The following GRIA4 variants were observed in gnomAD, a reference collection of about 807,000 sequenced individuals.
GRIA4 encodes glutamate ionotropic receptor AMPA type subunit 4, also known as glutamate receptor 4.
GRIA4 carries 34 observed loss-of-function variants against 104.0 expected under a neutral mutation model. That is an observed-to-expected ratio of 0.33 (90% CI 0.25 to 0.44). The LOEUF is 0.44. Ranked by LOEUF, GRIA4 falls within the 20% of genes least tolerant of loss-of-function variation. GRIA4 has a pLI of 1.00. For synonymous variants in GRIA4, 386 were observed against 381.9 expected (o/e 1.01, Z -0.13); for missense variants, 750 against 1,096.5 (o/e 0.68, Z 4.46).
intron 3 of GRIA4, among the ~76,000 whole-genome samples, chr11:105,626,654 G>A (rs1280471830): frequency 5.9e-5 from 9 of 152,152 alleles, no homozygotes; most frequent in Admixed American, 5.9e-4. Flanking sequence ...TTGGGGAATG[G>A]TTAAACTAAT....
chr11:105,930,986 A>C (rs1001617241), intron 13 of GRIA4, among the ~76,000 whole-genome samples: 2 of 152,170 alleles, frequency 1.3e-5, no homozygotes, highest in African/African-American at 4.8e-5. Flanking sequence ...CTTCTGTAAA[A>C]ATTAAAATTA....
intron 3 of GRIA4, among the ~76,000 whole-genome samples, chr11:105,627,747 G>A (rs1023811014): frequency 2.0e-5 from 3 of 152,120 alleles, no homozygotes; most frequent in Non-Finnish European, 4.4e-5. Context: ...TTGGAAAAGA[G>A]CTGGCATTTG....
chr11:105,764,056 T>C (rs145333978), intron 4 of GRIA4, among the ~76,000 whole-genome samples: 15 of 152,362 alleles, frequency 9.8e-5, no homozygotes, highest in Non-Finnish European at 2.2e-4. Flanking sequence ...ACATAGAATC[T>C]GAAAGTAACA....
chr11:105,758,069 C>A (rs1373393163), intron 4 of GRIA4, among the ~76,000 whole-genome samples: 3 of 152,016 alleles, frequency 2.0e-5, no homozygotes, highest in South Asian at 2.1e-4. Flanking sequence ...CATAGCAAGA[C>A]CCTGTCTCTA....
At chr11:105,755,097 T>C (rs538509182) in intron 4 of GRIA4, among the ~76,000 whole-genome samples, 56 of 152,330 alleles carry the variant, frequency 3.7e-4, no homozygotes, top group African/African-American at 1.1e-3. Context: ...TATCCTGCTA[T>C]TGCATGCTAA....
intron 3 of GRIA4, among the ~76,000 whole-genome samples, chr11:105,684,326 G>T (rs1003435722): frequency 6.6e-6 from 1 of 151,882 alleles, no homozygotes; most frequent in African/African-American, 2.4e-5. Context: ...GAAATAACAC[G>T]ATTTTTTCAT....
At chr11:105,697,787 G>A (rs1043922118) in intron 3 of GRIA4, among the ~76,000 whole-genome samples, 9 of 152,134 alleles carry the variant, frequency 5.9e-5, no homozygotes, top group Middle Eastern at 3.4e-3. Context: ...CCAACATGTC[G>A]TTTTCTTAGA....
intron 5 of GRIA4, among the ~76,000 whole-genome samples, chr11:105,873,119 C>A (rs1341742193): frequency 6.6e-6 from 1 of 152,130 alleles, no homozygotes; most frequent in East Asian, 1.9e-4. Context: ...GTTCCCCTCC[C>A]TGTGTCCCTA....
chr11:105,762,679 TTAGA>T (rs1415881305), intron 4 of GRIA4, among the ~76,000 whole-genome samples: 2 of 152,166 alleles, frequency 1.3e-5, no homozygotes, highest in Non-Finnish European at 2.9e-5. Flanking sequence ...CGTGCTGTTC[TTAGA>T]TAGTGAATAA....
At chr11:105,628,767 G>A (rs993278867) in intron 3 of GRIA4, among the ~76,000 whole-genome samples, 1 of 152,076 alleles carries the variant, frequency 6.6e-6, no homozygotes, top group African/African-American at 2.4e-5. Context: ...GCTAATGATT[G>A]TATGTTATAA....
chr11:105,764,443 A>T (rs565588080), intron 4 of GRIA4, among the ~76,000 whole-genome samples: 1 of 152,204 alleles, frequency 6.6e-6, no homozygotes, highest in African/African-American at 2.4e-5. Flanking sequence ...CATTTTAGTT[A>T]TTTCATGTTG....
chr11:105,737,834 C>T (rs1279316448), intron 3 of GRIA4, among the ~76,000 whole-genome samples: 1 of 152,060 alleles, frequency 6.6e-6, no homozygotes, highest in African/African-American at 2.4e-5. Context: ...GTTCTTTCAC[C>T]ACTTAGATGT....
intron 3 of GRIA4, among the ~76,000 whole-genome samples, chr11:105,689,053 G>T (rs1202026391): frequency 6.6e-6 from 1 of 152,036 alleles, no homozygotes; most frequent in Non-Finnish European, 1.5e-5. Context: ...AAAAATAGAA[G>T]ATGAATGTTT....
Position 105,953,644 on chromosome 11 carries a change from C to T in GRIA4, c.2295-18270C>T, listed in dbSNP as rs2564916. Reference sequence around the variant, plus strand: ...ATGTATACACATACACACACACACACACATATATATACATACATACACACA... The same window carrying T: ...ATGTATACACATACACACACACACATACATATATATACATACATACACACA... On this transcript the variant is annotated intron_variant, in intron 14 of 16. Coordinates refer to ENST00000282499, the MANE Select transcript of GRIA4 (RefSeq NM_000829.4). Among the ~76,000 whole-genome samples the T allele has an allele frequency of 2.5e-3, 305 of 122,938 alleles. 1 individual carries two copies. In the Middle Eastern group the frequency reaches 0.038, roughly 15 times the overall value. 80.7% of individuals were successfully genotyped at this position (122,938 alleles called of 152,430 possible).
At chr11:105,635,220 G>T (rs981380204) in intron 3 of GRIA4, among the ~76,000 whole-genome samples, 3 of 151,950 alleles carry the variant, frequency 2.0e-5, no homozygotes, top group Admixed American at 2.0e-4. Flanking sequence ...ATACAAAATG[G>T]TACTGGGGAA....
intron 3 of GRIA4, among the ~76,000 whole-genome samples, chr11:105,688,838 T>G (rs937213029): frequency 6.6e-6 from 1 of 152,040 alleles, no homozygotes; most frequent in Non-Finnish European, 1.5e-5. Context: ...TAATACGTCA[T>G]TAGGTAGATG....
chr11:105,842,222 G>T (rs1944420724), intron 4 of GRIA4, among the ~76,000 whole-genome samples: 2 of 152,096 alleles, frequency 1.3e-5, no homozygotes, highest in African/African-American at 2.4e-5. Context: ...AGGTGCCAAG[G>T]ACAGGCGAAG....
At chr11:105,629,299 A>G (rs1950971582) in intron 3 of GRIA4, among the ~76,000 whole-genome samples, 1 of 151,190 alleles carries the variant, frequency 6.6e-6, no homozygotes, top group South Asian at 2.1e-4. Context: ...AAATAGAGAC[A>G]TTTTCCATTT....
At chr11:105,728,138 T>G (rs1473697935) in intron 3 of GRIA4, among the ~76,000 whole-genome samples, 1 of 152,198 alleles carries the variant, frequency 6.6e-6, no homozygotes, top group African/African-American at 2.4e-5. Context: ...CCATGTCATG[T>G]GCAAAGACAC....
Sources: allele counts gnomAD v4.1 joint callset (sites outside exome capture counted in the v4.1 genomes callset), GRCh38; gene constraint gnomAD v4.1.1; transcripts MANE v1.5; gene names NCBI Gene and HGNC (gene_info 2026-07-23, HGNC 2026-07-21).